The following HTR1D variants were observed in gnomAD, a reference collection of about 807,000 sequenced individuals.
HTR1D encodes the protein 5-hydroxytryptamine receptor 1D.
HTR1D carries 18 observed loss-of-function variants against 21.1 expected under a neutral mutation model. That is an observed-to-expected ratio of 0.85 (90% CI 0.59 to 1.27). The LOEUF (loss-of-function observed/expected upper bound fraction) is 1.27, where lower values mean the gene tolerates loss of function less well. Among genes scored for constraint, HTR1D ranks in the 50% most tolerant of loss-of-function variants. The probability of loss-of-function intolerance (pLI) is 0.00; values close to 1 mark genes in which losing one functional copy is unlikely to be tolerated. For missense variants in HTR1D, 456 were observed against 481.4 expected (o/e 0.95, Z 0.49); for synonymous variants, 196 against 204.4 (o/e 0.96, Z 0.35).
Position 23,194,025 on chromosome 1 carries a change from G to T in HTR1D, c.195C>A (p.Leu65=), listed in dbSNP as rs1180888656. The change falls in exon 2 of 2, where the codon CTC becomes CTA. Residue 65 remains leucine, a synonymous_variant. Transcript: ENST00000374619. ...TGGCAGGGGTGTGGAGCTTCCTGGT[G>T]AGTAAGATGGTGGTGAGTACAAAGG... The part of the protein sequence containing the change: ...SNAFVLTTIL[L]TRKLHTPANY... 1 of 1,614,142 alleles carries T rather than the reference G, an allele frequency of 6.2e-7. No homozygotes were observed. The highest frequency in any genetic ancestry group is 2.2e-5 in the East Asian group (1 of 44,886).
intron 1 of HTR1D, among the ~76,000 whole-genome samples, chr1:23,210,878 A>G (rs1469633534): frequency 6.6e-6 from 1 of 152,018 alleles, no homozygotes; most frequent in Non-Finnish European, 1.5e-5. Flanking sequence ...GATGCTGCAC[A>G]CCTGGGTCCG....
At chr1:23,216,120 C>T (rs1644772378) in intron 1 of HTR1D, among the ~76,000 whole-genome samples, 1 of 152,238 alleles carries the variant, frequency 6.6e-6, no homozygotes, top group South Asian at 2.1e-4. Flanking sequence ...TAAAGTGTCC[C>T]CAAATGTCCT....
At position 23,193,376 on chromosome 1, in the gene HTR1D, C is replaced by G; in HGVS notation, c.844G>C (p.Ala282Pro). 2 of 1,614,144 alleles carry G rather than the reference C, an allele frequency of 1.2e-6. No individual in the cohort carries two copies. Among genetic ancestry groups the G allele is most frequent in the Non-Finnish European group, 8.5e-7 (1 of 1,180,042 alleles). Reference protein sequence around the residue: ...LFFNHVKIKLADSALERKRIS... With the variant: ...LFFNHVKIKLPDSALERKRIS... The stretch of plus-strand genomic sequence containing the variant: ...CTCTTGCGTTCCAGGGCACTGTCAG[C>G]AAGCTTGATTTTCACGTGGTTGAAA... The change falls in exon 2 of 2, where the codon GCT (alanine) becomes CCT (proline). Residue 282 changes from alanine (A) to proline (P), a missense_variant. Physicochemically the swap from Ala to Pro is conservative, Grantham distance 27. Transcript: ENST00000374619.
rs6660880 is a variant in HTR1D, at chr1:23,213,809, T to A, written c.-783+3482A>T. 3.9e-4 allele frequency among the ~76,000 whole-genome samples: 59 copies of A among 152,098 alleles called. 1 individual carries two copies. Among genetic ancestry groups the A allele is most frequent in the African/African-American group, 1.4e-3 (57 of 41,498 alleles). ...CCTGGGCTCCAGCAGTTTGCCCACC[T>A]GGGCTTCCCAAAGTGGTGGGATACA... On this transcript the variant is annotated intron_variant, in intron 1 of 1. Transcript: ENST00000374619.
At chr1:23,196,911 C>T (rs1241526882) in intron 1 of HTR1D, among the ~76,000 whole-genome samples, 3 of 151,920 alleles carry the variant, frequency 2.0e-5, no homozygotes. Flanking sequence ...CCTCCTGCCC[C>T]CACTCGCCCC....
intron 1 of HTR1D, among the ~76,000 whole-genome samples, chr1:23,216,099 C>T (rs1300478877): frequency 6.6e-6 from 1 of 152,256 alleles, no homozygotes; most frequent in African/African-American, 2.4e-5. Flanking sequence ...AATGGCCTCA[C>T]TTGCTGCTGA....
chr1:23,193,967 G>A lies in HTR1D; in HGVS notation c.253C>T (p.Leu85Phe). Residue 85 changes from leucine to phenylalanine, a missense_variant, in exon 2 of 2, where the codon CTC (leucine) becomes TTC (phenylalanine). Transcript: ENST00000374619. The part of the protein sequence containing the change: ...YLIGSLATTD[L>F]LVSILVMPIS... Reference sequence around the variant, plus strand: ...GGCATTACCAAGATGGAAACCAAGAGGTCGGTGGTGGCCAGGGAGCCAATC... The same window carrying A: ...GGCATTACCAAGATGGAAACCAAGAAGTCGGTGGTGGCCAGGGAGCCAATC... 6.2e-7 allele frequency: 1 copy of A among 1,614,198 alleles called. No homozygotes were observed. Among genetic ancestry groups the A allele is most frequent in the Non-Finnish European group, 8.5e-7 (1 of 1,180,040 alleles).
chr1:23,196,534 A>G (rs1352582591), intron 1 of HTR1D, among the ~76,000 whole-genome samples: 1 of 152,170 alleles, frequency 6.6e-6, no homozygotes, highest in African/African-American at 2.4e-5. Context: ...CATTAAAAAA[A>G]AATCTGCCTG....
rs200261758 is a variant in HTR1D at position 23,193,547 on chromosome 1, G to A, written c.673C>T (p.Arg225Trp). 40 of 1,614,020 alleles carry A rather than the reference G, an allele frequency of 2.5e-5. No homozygotes were observed. The East Asian group carries it at 2.9e-4, about 12-fold the overall frequency. Residue 225 changes from arginine (R) to tryptophan (W), a missense_variant, in exon 2 of 2, where the codon CGG (arginine) becomes TGG (tryptophan). Arg to Trp is a moderately radical substitution (Grantham distance 101, BLOSUM62 -3). Coordinates refer to ENST00000374619, the MANE Select transcript of HTR1D (RefSeq NM_000864.5). ...ILYGRIYRAA[R>W]NRILNPPSLY... ...GAGGGTGGATTCAGGATGCGGTTCC[G>A]GGCAGCCCGGTAGATCCGGCCATAT...
At chr1:23,207,548 T>A (rs1347933347) in intron 1 of HTR1D, among the ~76,000 whole-genome samples, 1 of 152,224 alleles carries the variant, frequency 6.6e-6, no homozygotes, top group Non-Finnish European at 1.5e-5. Flanking sequence ...CTGGCCTGGA[T>A]GATACCTAGT....
intron 1 of HTR1D, among the ~76,000 whole-genome samples, chr1:23,206,047 T>G (rs899966901): frequency 1.1e-4 from 16 of 151,838 alleles, no homozygotes; most frequent in African/African-American, 3.9e-4. Flanking sequence ...CTTCCTTCCT[T>G]TCTTTTTTTT....
At chr1:23,204,756 G>A (rs575641419) in intron 1 of HTR1D, among the ~76,000 whole-genome samples, 1 of 152,164 alleles carries the variant, frequency 6.6e-6, no homozygotes, top group Non-Finnish European at 1.5e-5. Context: ...TGGGCTATGC[G>A]CACTGGTCCC....
At chr1:23,215,068 G>T (rs1361515293) in intron 1 of HTR1D, among the ~76,000 whole-genome samples, 2 of 152,136 alleles carry the variant, frequency 1.3e-5, no homozygotes, top group Non-Finnish European at 2.9e-5. Flanking sequence ...CCAGAGAAGA[G>T]AGTGTTTTGG....
intron 1 of HTR1D, among the ~76,000 whole-genome samples, chr1:23,215,215 G>A (rs945519850): frequency 2.6e-5 from 4 of 152,110 alleles, no homozygotes; most frequent in African/African-American, 4.8e-5. Flanking sequence ...CCAAGAGTTC[G>A]AGGCCAGCCT....
rs992960400 is a variant in HTR1D at position 23,192,206 on chromosome 1, C to T, written c.*880G>A. 1 of 152,396 alleles carries T rather than the reference C, an allele frequency of 6.6e-6. No homozygotes were observed. The highest frequency in any genetic ancestry group is 2.4e-5 in the African/African-American group (1 of 41,432). 9.4% of individuals were successfully genotyped at this position (152,396 alleles called of 1,614,324 possible). On this transcript the variant is annotated 3_prime_UTR_variant, in exon 2 of 2. Transcript: ENST00000374619. Reference sequence around the variant, plus strand: ...TACCCCTAACTTCTGAATCTCTCTCCAAGTCACTCTATATCATCGGCACTG... The same window carrying T: ...TACCCCTAACTTCTGAATCTCTCTCTAAGTCACTCTATATCATCGGCACTG...
At chr1:23,202,399 A>ACTTTT (rs1644713387) in intron 1 of HTR1D, among the ~76,000 whole-genome samples, 2 of 152,144 alleles carry the variant, frequency 1.3e-5, no homozygotes, top group Admixed American at 6.6e-5. Context: ...GGCCAGCAAA[A>ACTTTT]GCTGGCCTCT....
chr1:23,197,174 G>T (rs971589714), intron 1 of HTR1D, among the ~76,000 whole-genome samples: 20 of 152,254 alleles, frequency 1.3e-4, no homozygotes, highest in African/African-American at 4.3e-4. Context: ...GGGCTGGTGT[G>T]TGTGTAAGCC....
intron 1 of HTR1D, among the ~76,000 whole-genome samples, chr1:23,201,400 A>G (rs78128578): frequency 6.6e-6 from 1 of 152,330 alleles, no homozygotes; most frequent in African/African-American, 2.4e-5. Flanking sequence ...CTTCCAGGCC[A>G]GGGAATACTC....
chr1:23,198,315 G>A (rs546852111), intron 1 of HTR1D, among the ~76,000 whole-genome samples: 6 of 145,262 alleles, frequency 4.1e-5, no homozygotes, highest in South Asian at 2.2e-4. Flanking sequence ...GCAGTGAGCC[G>A]AGATCGCGCC....
Sources: gnomAD v4.1 joint callset for allele counts (sites outside exome capture counted in the v4.1 genomes callset) on GRCh38, gnomAD v4.1.1 for gene constraint, MANE v1.5 for transcripts, NCBI Gene and HGNC (gene_info 2026-07-23, HGNC 2026-07-21) for gene names.